ARHGEF3: variants seen among roughly 807,000 people sequenced by gnomAD.
ARHGEF3 encodes the protein 59.8 kDA protein.
Under a neutral mutation model 63.2 loss-of-function variants are expected in ARHGEF3, and 28 were observed. The ratio of observed to expected loss-of-function variants is 0.44; its 90% confidence interval spans 0.33 to 0.61. The LOEUF (loss-of-function observed/expected upper bound fraction) is 0.61. ARHGEF3 is among the 20% of genes least tolerant of loss of function. The probability of loss-of-function intolerance (pLI) is 0.03; values close to 1 mark genes in which losing one functional copy is unlikely to be tolerated. For synonymous variants in ARHGEF3, 266 were observed against 254.2 expected (o/e 1.05, Z -0.44); for missense variants, 533 against 659.3 (o/e 0.81, Z 2.10).
At position 56,744,067 on chromosome 3, in the gene ARHGEF3, C is replaced by T. The variant is rs149967265; in HGVS notation, c.870+1138G>A. On this transcript the variant is annotated intron_variant, in intron 7 of 9. Coordinates refer to ENST00000296315, the MANE Select transcript of ARHGEF3 (RefSeq NM_019555.3). ...ATCTCTTAAATTGATATTTAAAAAC[C>T]TCTATAACCAGATCTGAACCCACAT... 4.2e-3 allele frequency among the ~76,000 whole-genome samples: 633 copies of T among 152,174 alleles called. 4 individuals carry two copies. The highest frequency in any genetic ancestry group is 0.015 in the African/African-American group (609 of 41,522).
At chr3:56,899,020 C>T (rs1288356279) in intron 3 of ARHGEF3, among the ~76,000 whole-genome samples, 2 of 152,238 alleles carry the variant, frequency 1.3e-5, no homozygotes, top group African/African-American at 4.8e-5. Flanking sequence ...CACCACTGTA[C>T]TCCAGCCTGG....
intron 3 of ARHGEF3, among the ~76,000 whole-genome samples, chr3:56,955,258 C>A (rs1296598725): frequency 6.6e-6 from 1 of 150,952 alleles, no homozygotes; most frequent in African/African-American, 2.4e-5. Flanking sequence ...TGCAGAGGTG[C>A]AACCATCGCT....
chr3:56,762,806 A>C (rs1259361652), intron 2 of ARHGEF3, among the ~76,000 whole-genome samples: 2 of 152,190 alleles, frequency 1.3e-5, no homozygotes, highest in African/African-American at 4.8e-5. Context: ...GGGTTAAACC[A>C]AAATGTACAG....
chr3:57,020,364 T>C (rs565098328), intron 2 of ARHGEF3, among the ~76,000 whole-genome samples: 1 of 152,268 alleles, frequency 6.6e-6, no homozygotes. Flanking sequence ...CCAGATGGCA[T>C]GAACATCTGG....
chr3:57,056,804 G>A (rs1704959189), intron 1 of ARHGEF3, among the ~76,000 whole-genome samples: 1 of 152,070 alleles, frequency 6.6e-6, no homozygotes, highest in Non-Finnish European at 1.5e-5. Flanking sequence ...TGAGGTTGAT[G>A]CACCACAAAA....
chr3:57,008,268 T>TA (rs555184089), intron 2 of ARHGEF3, among the ~76,000 whole-genome samples: 20 of 152,224 alleles, frequency 1.3e-4, no homozygotes, highest in Non-Finnish European at 2.5e-4. Context: ...GTGTGAGCCT[T>TA]TTTGGCTCAA....
intron 2 of ARHGEF3, among the ~76,000 whole-genome samples, chr3:57,013,268 T>C (rs1308757378): frequency 6.6e-6 from 1 of 152,148 alleles, no homozygotes; most frequent in Admixed American, 6.5e-5. Context: ...GGTGTGGGAC[T>C]GGTAGGCAGC....
At chr3:56,731,154 A>G (rs1294323516) in intron 9 of ARHGEF3, among the ~76,000 whole-genome samples, 1 of 152,202 alleles carries the variant, frequency 6.6e-6, no homozygotes, top group African/African-American at 2.4e-5. Flanking sequence ...AAGGCAGTAC[A>G]TGTTAATTAC....
At chr3:56,777,960 C>T (rs1479771743) in intron 1 of ARHGEF3, among the ~76,000 whole-genome samples, 1 of 152,120 alleles carries the variant, frequency 6.6e-6, no homozygotes, top group East Asian at 1.9e-4. Context: ...AAAAGTCTTT[C>T]AAATGTTTGG....
At chr3:56,951,389 A>G (rs924014758) in intron 3 of ARHGEF3, among the ~76,000 whole-genome samples, 7 of 152,050 alleles carry the variant, frequency 4.6e-5, no homozygotes, top group Non-Finnish European at 1.0e-4. Flanking sequence ...CAAGATGATC[A>G]TTAGCATTTT....
At chr3:56,828,930 T>C (rs1419526090) in intron 4 of ARHGEF3, among the ~76,000 whole-genome samples, 1 of 152,154 alleles carries the variant, frequency 6.6e-6, no homozygotes, top group East Asian at 1.9e-4. Flanking sequence ...TCATTTTTAT[T>C]ATTATTATTT....
intron 4 of ARHGEF3, among the ~76,000 whole-genome samples, chr3:56,830,083 A>C (rs2038876569): frequency 6.6e-6 from 1 of 152,198 alleles, no homozygotes; most frequent in African/African-American, 2.4e-5. Flanking sequence ...AGGGTCATAG[A>C]ATTTGTAAGT....
At chr3:57,028,980 GACACACACACAC>G (rs58006138) in intron 2 of ARHGEF3, among the ~76,000 whole-genome samples, 6 of 142,146 alleles carry the variant, frequency 4.2e-5, no homozygotes, top group South Asian at 2.3e-4. Flanking sequence ...TAATGGTGAA[GACACACACACAC>G]ACACACACAC....
chr3:57,057,089 C>A (rs966123340), intron 1 of ARHGEF3, among the ~76,000 whole-genome samples: 1 of 152,082 alleles, frequency 6.6e-6, no homozygotes, highest in Non-Finnish European at 1.5e-5. Context: ...GTCTACACTG[C>A]AGGTTTCTGC....
upstream of ARHGEF3, among the ~76,000 whole-genome samples, chr3:56,802,275 G>A (rs1404997396): frequency 6.6e-6 from 1 of 152,206 alleles, no homozygotes; most frequent in Non-Finnish European, 1.5e-5. Context: ...GCGAAACCGG[G>A]CAACGGGGAG....
chr3:56,780,238 C>G (rs1409797547), intron 1 of ARHGEF3, among the ~76,000 whole-genome samples: 1 of 152,194 alleles, frequency 6.6e-6, no homozygotes, highest in Non-Finnish European at 1.5e-5. Context: ...ATAGGGCTCA[C>G]AAATTGGTAT....
At chr3:56,775,221 G>T in intron 1 of ARHGEF3, 1 of 1,407,048 alleles carries the variant, frequency 7.1e-7, no homozygotes, top group Non-Finnish European at 9.3e-7. Flanking sequence ...CTGCATCCCC[G>T]TTCTGAACAT....
intron 1 of ARHGEF3, among the ~76,000 whole-genome samples, chr3:57,068,836 T>G (rs1705712234): frequency 6.6e-6 from 1 of 151,578 alleles, no homozygotes; most frequent in African/African-American, 2.4e-5. Context: ...CACACCCCCC[T>G]CACTAAAGGA....
chr3:56,820,267 A>G (rs1305089943), intron 4 of ARHGEF3, among the ~76,000 whole-genome samples: 1 of 152,220 alleles, frequency 6.6e-6, no homozygotes, highest in Non-Finnish European at 1.5e-5. Flanking sequence ...AGGTACTGTA[A>G]GGATGTGCTG....
Sources: gnomAD v4.1 joint callset for allele counts (sites outside exome capture counted in the v4.1 genomes callset) on GRCh38, gnomAD v4.1.1 for gene constraint, MANE v1.5 for transcripts, NCBI Gene and HGNC (gene_info 2026-07-23, HGNC 2026-07-21) for gene names.